The following OTULIN variants were observed in gnomAD, a reference collection of about 807,000 sequenced individuals.
The protein encoded by OTULIN is OTU deubiquitinase with linear linkage specificity, also known as ubiquitin thioesterase otulin.
OTULIN carries 15 observed loss-of-function variants against 39.6 expected under a neutral mutation model. The observed-to-expected ratio is 0.38, with a 90% CI of 0.25 to 0.58. The LOEUF (loss-of-function observed/expected upper bound fraction) is 0.58. Among genes scored for constraint, OTULIN ranks in the 20% least tolerant of loss-of-function variants. OTULIN has a pLI of 0.66. For synonymous variants in OTULIN, 156 were observed against 170.3 expected (o/e 0.92, Z 0.65); for missense variants, 319 against 445.9 (o/e 0.72, Z 2.56).
Position 14,678,779 on chromosome 5 carries a change from T to C in OTULIN, c.324+4T>C. 6.3e-7 allele frequency: 1 copy of C among 1,593,078 alleles called. No homozygotes were observed. The highest frequency in any genetic ancestry group is 1.1e-5 in the South Asian group (1 of 87,376). On this transcript the variant is annotated splice_donor_region_variant and intron_variant, in intron 3 of 6. Coordinates refer to ENST00000284274, the MANE Select transcript of OTULIN (RefSeq NM_138348.6). ...GAAAGCAACGTGTATGAAAATGGTA[T>C]GACACAGAGGTGCACATATTTCAGG... is the stretch of plus-strand genomic sequence containing the variant.
the OTULIN span, chr5:14,705,607 C>T: frequency 6.6e-6 from 1 of 152,418 alleles, no homozygotes; most frequent in Admixed American, 6.5e-5. Context: ...CTTGGCCCTA[C>T]TAGCTTTAGA....
chr5:14,672,329 G>A (rs1397415774), intron 1 of OTULIN, among the ~76,000 whole-genome samples: 1 of 152,134 alleles, frequency 6.6e-6, no homozygotes, highest in African/African-American at 2.4e-5. Flanking sequence ...AAAGGTTTTA[G>A]TGGGGACATG....
At chr5:14,677,722 T>C (rs771682425) in intron 2 of OTULIN, among the ~76,000 whole-genome samples, 13 of 152,132 alleles carry the variant, frequency 8.5e-5, no homozygotes, top group Non-Finnish European at 1.6e-4. Context: ...ACATGGAGAG[T>C]TCTGTTAGTT....
intron 1 of OTULIN, among the ~76,000 whole-genome samples, chr5:14,665,228 C>T (rs1373579549): frequency 2.6e-5 from 4 of 152,244 alleles, no homozygotes; most frequent in Non-Finnish European, 5.9e-5. Flanking sequence ...ATCTGCATGT[C>T]TGAAGTTAAA....
Position 14,680,570 on chromosome 5 carries a change from G to T in OTULIN, c.325-894G>T, listed in dbSNP as rs189106189. Among the ~76,000 whole-genome samples, 18 of 152,322 alleles carry T rather than the reference G, an allele frequency of 1.2e-4. No homozygotes were observed. The East Asian group carries it at 3.5e-3, about 29-fold the overall frequency. On this transcript the variant is annotated intron_variant, in intron 3 of 6. Transcript: ENST00000284274. Reference sequence around the variant, plus strand: ...GGCAGTTCAGTCAGTCTCAAGGACTGTGCATGTGTCTAGCTGGAGAAGCCA... The same window carrying T: ...GGCAGTTCAGTCAGTCTCAAGGACTTTGCATGTGTCTAGCTGGAGAAGCCA...
the OTULIN span, among the ~76,000 whole-genome samples, chr5:14,714,113 GA>G: frequency 1.3e-5 from 2 of 152,252 alleles, no homozygotes; most frequent in Non-Finnish European, 2.9e-5. Context: ...GAGGTGTGGG[GA>G]CCAAGCAGTG....
chr5:14,711,213 C>T, the OTULIN span: 10 of 1,614,186 alleles, frequency 6.2e-6, no homozygotes, highest in South Asian at 1.1e-5. Context: ...ATTCTCCTCT[C>T]TCATTTCCAC....
chr5:14,712,125 C>G, the OTULIN span, among the ~76,000 whole-genome samples: 2 of 152,214 alleles, frequency 1.3e-5, no homozygotes, highest in Admixed American at 6.5e-5. Context: ...TGCTGAGGTT[C>G]AGATCTCTAC....
chr5:14,711,941 G>A, the OTULIN span, among the ~76,000 whole-genome samples: 1 of 152,198 alleles, frequency 6.6e-6, no homozygotes, highest in Non-Finnish European at 1.5e-5. Flanking sequence ...ATTGTCCTCT[G>A]TCTGCCAACC....
chr5:14,665,303 G>T (rs1055068826), intron 1 of OTULIN, among the ~76,000 whole-genome samples: 4 of 152,188 alleles, frequency 2.6e-5, no homozygotes, highest in Non-Finnish European at 4.4e-5. Context: ...GTTCCCGCTA[G>T]ATCTTTCCTT....
rs762378186 is a variant in OTULIN at position 14,690,131 on chromosome 5, T to C, written c.687T>C (p.Tyr229=). 1 of 1,614,182 alleles carries C rather than the reference T, an allele frequency of 6.2e-7. No homozygotes were observed. Among genetic ancestry groups the C allele is most frequent in the East Asian group, 2.2e-5 (1 of 44,878 alleles). The change falls in exon 6 of 7, where the codon TAT becomes TAC. Residue 229 remains tyrosine (Y), a synonymous_variant. Coordinates refer to ENST00000284274, the MANE Select transcript of OTULIN (RefSeq NM_138348.6). This position sits in a 1 kb window ranked among gnomAD's most constrained non-coding sequence, Gnocchi z 4.5. The stretch of plus-strand genomic sequence containing the variant: ...ATGAGGCGGAGGAATATAGCCTCTA[T>C]GAAGCTGTAAAATTTCTAATGCTAA... ...FTNEAEEYSL[Y]EAVKFLMLNR...
chr5:14,691,765 C>T (rs1159721568), intron 6 of OTULIN, among the ~76,000 whole-genome samples: 1 of 152,170 alleles, frequency 6.6e-6, no homozygotes, highest in Non-Finnish European at 1.5e-5. Context: ...CTTTCTAACC[C>T]TAGGCAGCCA....
At chr5:14,672,372 T>TA (rs1354725441) in intron 1 of OTULIN, among the ~76,000 whole-genome samples, 2 of 152,180 alleles carry the variant, frequency 1.3e-5, no homozygotes, top group Non-Finnish European at 2.9e-5. Flanking sequence ...GCCCTCCCAG[T>TA]ACCCCTTCTT....
chr5:14,666,109 C>A (rs1347657243), intron 1 of OTULIN, among the ~76,000 whole-genome samples: 1 of 152,228 alleles, frequency 6.6e-6, no homozygotes, highest in Non-Finnish European at 1.5e-5. Context: ...TGCCTGCCTT[C>A]TACCCTGGTG....
chr5:14,682,554 T>A (rs1007405171), intron 4 of OTULIN, among the ~76,000 whole-genome samples: 26 of 152,114 alleles, frequency 1.7e-4, no homozygotes, highest in Admixed American at 1.2e-3. Flanking sequence ...TGCTTAAATT[T>A]AAAAAATCCA....
In OTULIN at chr5:14,678,734, G is replaced by A; in HGVS notation, c.283G>A (p.Glu95Lys). Reference protein sequence around the residue: ...EMDIMDYCKKEWRGNTQKATC... With the variant: ...EMDIMDYCKKKWRGNTQKATC... Reference sequence around the variant, plus strand: ...GGATATCATGGACTACTGCAAAAAAGAATGGAGAGGAAATACACAGAAAGC... The same window carrying A: ...GGATATCATGGACTACTGCAAAAAAAAATGGAGAGGAAATACACAGAAAGC... The change falls in exon 3 of 7, where the codon GAA becomes AAA. Residue 95 changes from glutamate (E) to lysine (K), a missense_variant. Coordinates refer to ENST00000284274, the MANE Select transcript of OTULIN (RefSeq NM_138348.6). 1 of 1,609,512 alleles carries A rather than the reference G, an allele frequency of 6.2e-7. No homozygotes were observed. The highest frequency in any genetic ancestry group is 1.1e-5 in the South Asian group (1 of 89,500).
At chr5:14,665,389 G>A (rs1432383824) in intron 1 of OTULIN, among the ~76,000 whole-genome samples, 4 of 152,220 alleles carry the variant, frequency 2.6e-5, no homozygotes, top group Admixed American at 1.3e-4. Context: ...CTTGTTCTTG[G>A]AGGCGACGTC....
In OTULIN at chr5:14,681,438, T is replaced by C. The variant is rs773573756; in HGVS notation, c.325-26T>C. On this transcript the variant is annotated intron_variant, in intron 3 of 6. Coordinates refer to ENST00000284274, the MANE Select transcript of OTULIN (RefSeq NM_138348.6). Reference sequence around the variant, plus strand: ...CTATCTCAAGTCAGTAACGACCATTTTGAATTCTTTCATACCTTTTCCCAG... The same window carrying C: ...CTATCTCAAGTCAGTAACGACCATTCTGAATTCTTTCATACCTTTTCCCAG... 3.2e-6 allele frequency: 5 copies of C among 1,581,362 alleles called. No homozygotes were observed. The African/African-American group carries it at 4.1e-5, about 13-fold the overall frequency.
rs748278772 is a variant in OTULIN at position 14,690,239 on chromosome 5, A to G, written c.795A>G (p.Thr265=). Residue 265 remains threonine (T), a synonymous_variant, in exon 6 of 7, where the codon ACA becomes ACG. Coordinates refer to ENST00000284274, the MANE Select transcript of OTULIN (RefSeq NM_138348.6). This position sits in a 1 kb window ranked among gnomAD's most constrained non-coding sequence, Gnocchi z 4.5. ...FFSVLLFARD[T]SNDPGQLLRN... is the part of the protein sequence containing the mutation. ...CTGTGCTTCTGTTTGCTCGGGACAC[A>G]TCAAATGACCCAGGACAGCTTCTGA... 1 of 1,614,220 alleles carries G rather than the reference A, an allele frequency of 6.2e-7. No homozygotes were observed.
Sources: gnomAD v4.1 joint callset for allele counts (sites outside exome capture counted in the v4.1 genomes callset) on GRCh38, gnomAD v4.1.1 for gene constraint, Gnocchi (gnomAD v3.1) non-coding constraint, MANE v1.5 for transcripts, NCBI Gene and HGNC (gene_info 2026-07-23, HGNC 2026-07-21) for gene names.